The following BCCIP variants were observed in gnomAD, a reference collection of about 807,000 sequenced individuals.
BCCIP encodes BRCA2 and CDKN1A interacting protein, also known as BRCA2 and CDKN1A-interacting protein.
Under a neutral mutation model 32.8 loss-of-function variants are expected in BCCIP, and 23 were observed. The observed-to-expected ratio is 0.70, with a 90% CI of 0.51 to 0.99. The LOEUF is 0.99. Ranked by LOEUF, BCCIP falls within the 50% of genes least tolerant of loss-of-function variation. The pLI, the probability that BCCIP is intolerant of heterozygous loss-of-function variation, is 0.00. For missense variants in BCCIP, 378 were observed against 379.8 expected (o/e 1.00, Z 0.04); for synonymous variants, 144 against 137.6 (o/e 1.05, Z -0.33).
chr10:125,833,334 TAGCAATTA>T (rs1854571894), intron 5 of BCCIP, among the ~76,000 whole-genome samples: 1 of 152,234 alleles, frequency 6.6e-6, no homozygotes, highest in Admixed American at 6.5e-5. Context: ...TTCCAGACTC[TAGCAATTA>T]GAGACTGTGG....
At chr10:125,849,922 C>G (rs1944068482) in intron 7 of BCCIP, among the ~76,000 whole-genome samples, 1 of 152,076 alleles carries the variant, frequency 6.6e-6, no homozygotes, top group African/African-American at 2.4e-5. Flanking sequence ...TAGGAATCCT[C>G]TGGTGAAAGA....
chr10:125,850,770 T>A lies in BCCIP; in HGVS notation c.851-2355T>A, dbSNP rs151146119. On this transcript the variant is annotated intron_variant, in intron 7 of 7. Coordinates refer to the BCCIP transcript ENST00000368759. ...TTTTCATAATCCAAAGAATCATAGA[T>A]CATACCAAAGCCAGTCATCTGGCTA... is the stretch of plus-strand genomic sequence containing the variant. Among the ~76,000 whole-genome samples, 58 of 152,336 alleles carry A rather than the reference T, an allele frequency of 3.8e-4. No homozygotes were observed. The East Asian group carries it at 8.1e-3, about 21-fold the overall frequency.
chr10:125,831,642 AT>A (rs757988268), intron 5 of BCCIP, 35 bp downstream of exon 5: 57 of 1,555,816 alleles, frequency 3.7e-5, no homozygotes, highest in Middle Eastern at 1.7e-4. Context: ...TTGAACAGTA[AT>A]TTTTTTTTCA....
intron 1 of BCCIP, chr10:125,825,610 T>G (rs1031614574): frequency 4.6e-5 from 7 of 152,142 alleles, no homozygotes; most frequent in African/African-American, 1.7e-4. Context: ...AAGGAAGACT[T>G]AAATATATAC....
chr10:125,840,920 G>A (rs1452647631), downstream of BCCIP: 2 of 1,612,668 alleles, frequency 1.2e-6, no homozygotes, highest in Non-Finnish European at 1.7e-6. Context: ...GATCTCCTTC[G>A]GGATGTAAAA....
chr10:125,838,381 G>A (rs373474850), downstream of BCCIP: 12 of 1,570,720 alleles, frequency 7.6e-6, no homozygotes, highest in African/African-American at 8.2e-5. Context: ...TCAACATCCC[G>A]AGCAATCTGA....
chr10:125,835,992 C>A, intron 6 of BCCIP, 112 bp from the exon 7 acceptor site: 3 of 952,218 alleles, frequency 3.2e-6, no homozygotes, highest in Non-Finnish European at 4.7e-6. Context: ...TTTTTTTTAG[C>A]TCTCATTCTT....
chr10:125,834,891 G>C (rs1233927071), intron 6 of BCCIP, among the ~76,000 whole-genome samples: 1 of 151,852 alleles, frequency 6.6e-6, no homozygotes, highest in East Asian at 1.9e-4. Context: ...CCAGCACTTT[G>C]GGAGGTCAAG....
At chr10:125,842,450 G>GT (rs1854908484) in exon 7 of BCCIP, 2 of 152,576 alleles carry the variant, frequency 1.3e-5, no homozygotes, top group Admixed American at 1.3e-4. Context: ...GGTAGGGCCT[G>GT]TTCCCACCAC....
At chr10:125,842,846 A>G (rs1854918554), downstream of BCCIP, 7 of 879,904 alleles carry the variant, frequency 8.0e-6, no homozygotes, top group South Asian at 3.1e-4. Context: ...TTTATGTAAC[A>G]TCGATAATGA....
intron 7 of BCCIP, chr10:125,852,743 A>G (rs893794024): frequency 1.2e-5 from 13 of 1,040,984 alleles, no homozygotes; most frequent in Non-Finnish European, 1.1e-5. Context: ...TACTCCATGA[A>G]ATGCACTGCC....
At chr10:125,839,326 G>C (rs1274964030), downstream of BCCIP, 1 of 829,278 alleles carries the variant, frequency 1.2e-6, no homozygotes, top group Non-Finnish European at 1.8e-6. Context: ...TGGCAGGAAG[G>C]CAGCAAGGAC....
At position 125,831,400 on chromosome 10, in the gene BCCIP, G is replaced by A. The variant is rs1375595559; in HGVS notation, c.412-20G>A. On this transcript the variant is annotated intron_variant, in intron 4 of 6. Coordinates refer to ENST00000278100, the MANE Select transcript of BCCIP (RefSeq NM_078468.3). ...TGTGATGGCTTGTAATAGGAAACAAGCTTTCTCTTTGCTTTCTAGGGTACC... is the reference window on the plus strand; with the variant it reads ...TGTGATGGCTTGTAATAGGAAACAAACTTTCTCTTTGCTTTCTAGGGTACC... The A allele has an allele frequency of 1.2e-6, 2 of 1,606,308 alleles. No homozygotes were observed. Among genetic ancestry groups the A allele is most frequent in the Non-Finnish European group, 1.7e-6 (2 of 1,175,288 alleles).
chr10:125,832,802 C>CTT (rs869200585), intron 5 of BCCIP, among the ~76,000 whole-genome samples: 1 of 109,242 alleles, frequency 9.2e-6, no homozygotes. Context: ...AAGACCCTAT[C>CTT]TTTTTTTTTT....
intron 2 of BCCIP, among the ~76,000 whole-genome samples, chr10:125,827,039 AGTTC>A (rs1854410277): frequency 6.6e-6 from 1 of 150,850 alleles, no homozygotes. Context: ...GGCTCTCCCA[AGTTC>A]ATCTTTTTAG....
exon 8 of BCCIP, chr10:125,853,280 G>C (rs374738716): frequency 2.3e-4 from 309 of 1,319,844 alleles, no homozygotes; most frequent in Non-Finnish European, 3.1e-4. Flanking sequence ...TAGTCTCCTG[G>C]AGGGATAAAA....
At chr10:125,851,200 C>G (rs1048774719) in intron 7 of BCCIP, among the ~76,000 whole-genome samples, 4 of 152,308 alleles carry the variant, frequency 2.6e-5, no homozygotes. Context: ...GCAGCAGCTG[C>G]GAGCATCTTT....
intron 1 of BCCIP, among the ~76,000 whole-genome samples, chr10:125,824,751 T>C (rs1383991963): frequency 1.1e-5 from 1 of 88,702 alleles, no homozygotes; most frequent in Non-Finnish European, 2.6e-5. Context: ...AGAGATCTTA[T>C]AGGTCTGATC....
At chr10:125,826,507 G>A in intron 1 of BCCIP, 84 bp from the exon 2 acceptor site, 1 of 1,573,226 alleles carries the variant, frequency 6.4e-7, no homozygotes, top group Middle Eastern at 1.8e-4. Context: ...CTTCACAGAT[G>A]GCAATCTTGG....
Sources: allele counts gnomAD v4.1 joint callset (sites outside exome capture counted in the v4.1 genomes callset), GRCh38; gene constraint gnomAD v4.1.1; transcripts MANE v1.5; gene names NCBI Gene and HGNC (gene_info 2026-07-23, HGNC 2026-07-21).